The following COG5 variants were observed in gnomAD, a reference collection of about 807,000 sequenced individuals.
COG5 encodes the protein conserved oligomeric Golgi complex subunit 5.
Under a neutral mutation model 110.4 loss-of-function variants are expected in COG5, and 86 were observed. The observed-to-expected ratio is 0.78, with a 90% confidence interval of 0.65 to 0.93. COG5 has a LOEUF of 0.93. Among genes scored for constraint, COG5 ranks in the 40% least tolerant of loss-of-function variants. The pLI is 0.00. For synonymous variants in COG5, 360 were observed against 334.6 expected (o/e 1.08, Z -0.83); for missense variants, 1,077 against 987.0 (o/e 1.09, Z -1.22).
chr7:107,369,326 T>G (rs1341425854), intron 8 of COG5, among the ~76,000 whole-genome samples: 1 of 152,056 alleles, frequency 6.6e-6, no homozygotes, highest in African/African-American at 2.4e-5. Flanking sequence ...CTTAATAAAC[T>G]AGTTTATCCA....
chr7:107,236,424 TC>T, intron 18 of COG5, 25 bp downstream of exon 18: 1 of 1,523,794 alleles, frequency 6.6e-7, no homozygotes. Context: ...AAACATTTTT[TC>T]TTTTGTAGTA....
intron 6 of COG5, among the ~76,000 whole-genome samples, chr7:107,480,655 G>A (rs1418672502): frequency 6.6e-6 from 1 of 151,974 alleles, no homozygotes; most frequent in African/African-American, 2.4e-5. Context: ...TTTCTAAAAA[G>A]CATTCGAAAA....
At chr7:107,405,055 A>G (rs952364994) in intron 7 of COG5, among the ~76,000 whole-genome samples, 1 of 152,186 alleles carries the variant, frequency 6.6e-6, no homozygotes, top group Non-Finnish European at 1.5e-5. Context: ...ATAATTTTCA[A>G]TATAATTATT....
At chr7:107,394,219 T>A (rs1254062147) in intron 7 of COG5, among the ~76,000 whole-genome samples, 1 of 150,982 alleles carries the variant, frequency 6.6e-6, no homozygotes, top group Non-Finnish European at 1.5e-5. Flanking sequence ...TGCCTCGGCC[T>A]CCCAAAATGC....
intron 14 of COG5, among the ~76,000 whole-genome samples, chr7:107,275,871 C>T (rs1329255226): frequency 6.6e-6 from 1 of 152,020 alleles, no homozygotes; most frequent in South Asian, 2.1e-4. Flanking sequence ...TATTTGAGCT[C>T]ATATGTCTCT....
intron 21 of COG5, chr7:107,208,101 A>G: frequency 2.0e-6 from 2 of 985,468 alleles, no homozygotes; most frequent in Non-Finnish European, 2.4e-6. Flanking sequence ...TACATAAGAA[A>G]GAACATTCTC....
chr7:107,353,945 A>G lies in COG5; in HGVS notation c.1026+8088T>C, dbSNP rs563891064. The stretch of plus-strand genomic sequence containing the variant: ...CAGTTGTCTCTGTCATCTGAAATCA[A>G]AATCTTAGCAAAAACCAAGGCATAT... On this transcript the variant is annotated intron_variant, in intron 10 of 21. Transcript: ENST00000297135. Among the ~76,000 whole-genome samples the G allele has an allele frequency of 3.0e-3, 457 of 152,334 alleles. 1 individual carries two copies. Among genetic ancestry groups the G allele is most frequent in the Middle Eastern group, 0.014 (4 of 294 alleles).
rs572435173 is a variant in COG5 at position 107,242,450 on chromosome 7, A to G, written c.1854-5763T>C. On this transcript the variant is annotated intron_variant, in intron 17 of 21. Transcript: ENST00000297135. ...GACTGTTACATGGGTACCTGTTCCCATATCTCTTCACCGGGCAGGCCTGGG... is the reference window on the plus strand; with the variant it reads ...GACTGTTACATGGGTACCTGTTCCCGTATCTCTTCACCGGGCAGGCCTGGG... Among the ~76,000 whole-genome samples, 46 of 152,314 alleles carry G rather than the reference A, an allele frequency of 3.0e-4. No homozygotes were observed. In the South Asian group the frequency reaches 3.3e-3, roughly 11 times the overall value.
At chr7:107,373,460 G>A (rs1335322573) in intron 7 of COG5, among the ~76,000 whole-genome samples, 1 of 152,110 alleles carries the variant, frequency 6.6e-6, no homozygotes, top group African/African-American at 2.4e-5. Flanking sequence ...CACCTCTGAG[G>A]TAATATTTAA....
chr7:107,230,528 A>G, intron 19 of COG5, 87 bp downstream of exon 19: 1 of 984,178 alleles, frequency 1.0e-6, no homozygotes, highest in South Asian at 1.3e-5. Context: ...ATGGTTGAAT[A>G]TTGGCAATTT....
In COG5 at chr7:107,256,787, G is replaced by A; in HGVS notation, c.1694C>T (p.Ser565Phe). The change falls in exon 16 of 22, where the codon TCC becomes TTC. Residue 565 changes from serine to phenylalanine, a missense_variant. Coordinates refer to ENST00000297135, the MANE Select transcript of COG5 (RefSeq NM_006348.5). ...KLHQSVTKVV[S>F]SQSSFPLAAE... ...TGCCAGTGGGAATGAGCTCTGACTGGAAACAACCTAGAACAAGGTTTTGAT... is the reference window on the plus strand; with the variant it reads ...TGCCAGTGGGAATGAGCTCTGACTGAAAACAACCTAGAACAAGGTTTTGAT... 1 of 1,609,734 alleles carries A rather than the reference G, an allele frequency of 6.2e-7. No individual in the cohort carries two copies. Among genetic ancestry groups the A allele is most frequent in the Admixed American group, 1.7e-5 (1 of 59,814 alleles).
rs529395408 is a variant in COG5, at chr7:107,423,946, T to A, written c.539-11314A>T. Among the ~76,000 whole-genome samples, 7 of 152,146 alleles carry A rather than the reference T, an allele frequency of 4.6e-5. No homozygotes were observed. In the South Asian group the frequency reaches 1.4e-3, roughly 31 times the overall value. On this transcript the variant is annotated intron_variant, in intron 6 of 21. Coordinates refer to ENST00000297135, the MANE Select transcript of COG5 (RefSeq NM_006348.5). ...AAAACAATGAACAGATGACACAGAT[T>A]GCAAAATATTTCTAGAAAATGCAAA...
intron 19 of COG5, among the ~76,000 whole-genome samples, chr7:107,220,753 G>A (rs1282590347): frequency 6.6e-6 from 1 of 151,978 alleles, no homozygotes; most frequent in Admixed American, 6.6e-5. Flanking sequence ...TTGTAGGTCT[G>A]GTGTGCCCAG....
chr7:107,248,563 T>C, intron 16 of COG5, 64 bp from the exon 17 acceptor site: 1 of 1,111,564 alleles, frequency 9.0e-7, no homozygotes, highest in Non-Finnish European at 1.3e-6. Context: ...CCCAAAGAAA[T>C]TTGAGATGTG....
At chr7:107,366,119 G>GTT (rs1813588286) in intron 8 of COG5, among the ~76,000 whole-genome samples, 1 of 152,010 alleles carries the variant, frequency 6.6e-6, no homozygotes, top group Non-Finnish European at 1.5e-5. Flanking sequence ...GTTTTCCACT[G>GTT]TCTCAAATTA....
intron 19 of COG5, among the ~76,000 whole-genome samples, chr7:107,220,974 C>G (rs1350908549): frequency 6.6e-6 from 1 of 152,038 alleles, no homozygotes; most frequent in Non-Finnish European, 1.5e-5. Flanking sequence ...TGCCATCACA[C>G]CCAGCTAATT....
intron 11 of COG5, among the ~76,000 whole-genome samples, chr7:107,305,634 G>C (rs1807649060): frequency 6.6e-6 from 1 of 151,954 alleles, no homozygotes; most frequent in African/African-American, 2.4e-5. Context: ...ATCAACCATG[G>C]GTGGAGTCTC....
intron 14 of COG5, among the ~76,000 whole-genome samples, chr7:107,271,203 C>T (rs572245672): frequency 2.0e-4 from 31 of 152,192 alleles, no homozygotes; most frequent in Admixed American, 6.5e-4. Flanking sequence ...GCAAGGATCA[C>T]GACATTGCAT....
rs1398905829 is a variant in COG5, at chr7:107,295,060, C to T, written c.1313+3082G>A. On this transcript the variant is annotated intron_variant, in intron 12 of 21. Transcript: ENST00000297135. The stretch of plus-strand genomic sequence containing the variant: ...ATATACACACACACACACACACACA[C>T]ACACACATATATATATATATATATA... Among the ~76,000 whole-genome samples the T allele has an allele frequency of 1.8e-3, 99 of 56,350 alleles. 1 individual carries two copies. The highest frequency in any genetic ancestry group is 0.01 in the East Asian group (19 of 1,854). 37.0% of individuals were successfully genotyped at this position (56,350 alleles called of 152,430 possible).
Sources: gnomAD v4.1 joint callset for allele counts (sites outside exome capture counted in the v4.1 genomes callset) on GRCh38, gnomAD v4.1.1 for gene constraint, MANE v1.5 for transcripts, NCBI Gene and HGNC (gene_info 2026-07-23, HGNC 2026-07-21) for gene names.